The following LRP1B variants were observed in gnomAD, a reference collection of about 807,000 sequenced individuals.
LRP1B encodes low-density lipoprotein receptor-related protein 1B.
LRP1B carries 217 observed loss-of-function variants against 556.6 expected under a neutral mutation model. That is an observed-to-expected ratio of 0.39 (90% CI 0.35 to 0.44). The LOEUF (loss-of-function observed/expected upper bound fraction) is 0.44, where lower values mean the gene tolerates loss of function less well. Among genes scored for constraint, LRP1B ranks in the 20% least tolerant of loss-of-function variants. The pLI is 1.00. For synonymous variants in LRP1B, 2,047 were observed against 1,865.8 expected (o/e 1.10, Z -2.50); for missense variants, 5,053 against 5,620.8 (o/e 0.90, Z 3.23).
intron 12 of LRP1B, among the ~76,000 whole-genome samples, chr2:141,017,770 G>A (rs1197528364): frequency 6.6e-6 from 1 of 151,666 alleles, no homozygotes; most frequent in African/African-American, 2.4e-5. Context: ...TGAGGCAAGC[G>A]AATTGCTTGA....
intron 7 of LRP1B, among the ~76,000 whole-genome samples, chr2:141,071,517 G>A (rs1456269681): frequency 6.6e-6 from 1 of 152,140 alleles, no homozygotes; most frequent in Non-Finnish European, 1.5e-5. Context: ...AATTAGGCAG[G>A]AGAAGGAAAT....
At chr2:141,872,261 A>T (rs1698614416) in intron 1 of LRP1B, among the ~76,000 whole-genome samples, 1 of 152,032 alleles carries the variant, frequency 6.6e-6, no homozygotes, top group Admixed American at 6.6e-5. Context: ...AATTCAGACT[A>T]TCAGAACTGA....
rs1701213893 is a variant in LRP1B, at chr2:141,955,249, T to A, written c.83-144848A>T. Among the ~76,000 whole-genome samples, 4 of 152,242 alleles carry A rather than the reference T, an allele frequency of 2.6e-5. No homozygotes were observed. The South Asian group carries it at 8.3e-4, about 32-fold the overall frequency. On this transcript the variant is annotated intron_variant, in intron 1 of 90. Transcript: ENST00000389484. The stretch of plus-strand genomic sequence containing the variant: ...AAATGTAACCTCTCTCCTAAATTTG[T>A]CATTCATCATCTCCCTGAATTTCTT...
At chr2:141,726,041 A>G in intron 2 of LRP1B, among the ~76,000 whole-genome samples, 1 of 151,744 alleles carries the variant, frequency 6.6e-6, no homozygotes, top group South Asian at 2.1e-4. Flanking sequence ...TTTAAAATTT[A>G]TTATAAAAAA....
At chr2:142,075,479 T>C (rs372329028) in intron 1 of LRP1B, among the ~76,000 whole-genome samples, 1 of 152,110 alleles carries the variant, frequency 6.6e-6, no homozygotes, top group East Asian at 1.9e-4. Flanking sequence ...ATGTGATACC[T>C]GATGTGGCTC....
At position 140,651,526 on chromosome 2, in the gene LRP1B, T is replaced by TAA. The variant is rs558677783; in HGVS notation, c.6799+48722_6799+48723dup. Among the ~76,000 whole-genome samples, 557 of 107,002 alleles carry TAA rather than the reference T, an allele frequency of 5.2e-3. 5 individuals carry two copies. Among genetic ancestry groups the TAA allele is most frequent in the African/African-American group, 0.017 (461 of 26,844 alleles). The allele number at this position is 107,002 out of a possible 152,430, so 70.2% of individuals were successfully genotyped here. On this transcript the variant is annotated intron_variant, in intron 41 of 90. Coordinates refer to ENST00000389484, the MANE Select transcript of LRP1B (RefSeq NM_018557.3). ...ATTAAAAAAAAACACATACAAAAAT[T>TAA]AAAAAAAAAAAAAAAAAAAAGAATG...
Position 140,938,512 on chromosome 2 carries a change from G to C in LRP1B, c.3136+11723C>G, listed in dbSNP as rs1695297185. 3.3e-5 allele frequency among the ~76,000 whole-genome samples: 5 copies of C among 152,066 alleles called. No individual in the cohort carries two copies. The South Asian group carries it at 1.0e-3, about 31-fold the overall frequency. ...TTTAATTGAAATTGAGTATGCAATT[G>C]AGAGCAAGGTAGCAGTTACTGGGGG... is the stretch of plus-strand genomic sequence containing the variant. On this transcript the variant is annotated intron_variant, in intron 20 of 90. Transcript: ENST00000389484.
intron 2 of LRP1B, among the ~76,000 whole-genome samples, chr2:141,569,557 A>G (rs1448240007): frequency 6.6e-6 from 1 of 151,164 alleles, no homozygotes; most frequent in Non-Finnish European, 1.5e-5. Context: ...TAATGTCTCA[A>G]CTGTATTATT....
intron 2 of LRP1B, among the ~76,000 whole-genome samples, chr2:141,640,932 G>A (rs1192606680): frequency 1.3e-5 from 2 of 152,160 alleles, no homozygotes; most frequent in African/African-American, 4.8e-5. Context: ...TTGTGGTGGT[G>A]AGCAGCTGAT....
intron 2 of LRP1B, among the ~76,000 whole-genome samples, chr2:141,676,230 T>C (rs186656434): frequency 1.3e-3 from 203 of 152,212 alleles, no homozygotes; most frequent in African/African-American, 4.7e-3. Context: ...GCAGGAATCA[T>C]GTCTGATTCA....
intron 66 of LRP1B, among the ~76,000 whole-genome samples, chr2:140,430,750 C>A (rs1166391916): frequency 6.6e-6 from 1 of 152,182 alleles, no homozygotes; most frequent in East Asian, 1.9e-4. Flanking sequence ...AAGCCGCTAG[C>A]CCGTCTCTTA....
intron 2 of LRP1B, among the ~76,000 whole-genome samples, chr2:141,723,837 G>A (rs577321253): frequency 1.5e-4 from 23 of 151,682 alleles, no homozygotes; most frequent in African/African-American, 5.6e-4. Context: ...TAAAATATAA[G>A]TGAACACTAA....
intron 37 of LRP1B, among the ~76,000 whole-genome samples, chr2:140,705,000 A>G (rs532391359): frequency 6.6e-6 from 1 of 152,182 alleles, no homozygotes; most frequent in South Asian, 2.1e-4. Flanking sequence ...CCTAATTCTC[A>G]CAGCTATGGT....
intron 86 of LRP1B, among the ~76,000 whole-genome samples, chr2:140,252,464 T>A (rs2104909816): frequency 6.6e-6 from 1 of 152,110 alleles, no homozygotes. Context: ...GACGCACATG[T>A]TCAAATAATC....
chr2:141,397,125 A>AAAAAAAAAAAAAAAG (rs1690268546), intron 3 of LRP1B, among the ~76,000 whole-genome samples: 1 of 148,412 alleles, frequency 6.7e-6, no homozygotes, highest in African/African-American at 2.5e-5. Context: ...AAAAAAAAAA[A>AAAAAAAAAAAAAAAG]AAAAAAAAAA....
chr2:141,057,243 A>G (rs190081096), intron 9 of LRP1B, among the ~76,000 whole-genome samples: 29 of 151,930 alleles, frequency 1.9e-4, no homozygotes, highest in Non-Finnish European at 2.8e-4. Context: ...AAGTATAAGC[A>G]AAAGTTTTTT....
At chr2:140,283,338 G>A (rs191993306) in intron 84 of LRP1B, among the ~76,000 whole-genome samples, 1 of 151,778 alleles carries the variant, frequency 6.6e-6, no homozygotes, top group Admixed American at 6.6e-5. Flanking sequence ...AGTCAGAGCT[G>A]TGTTTAATAA....
intron 7 of LRP1B, among the ~76,000 whole-genome samples, chr2:141,098,336 T>C (rs1363191464): frequency 6.6e-6 from 1 of 152,232 alleles, no homozygotes; most frequent in Non-Finnish European, 1.5e-5. Flanking sequence ...TACCCTGCAA[T>C]CATCTTTGTA....
intron 86 of LRP1B, among the ~76,000 whole-genome samples, chr2:140,264,568 C>T (rs1301877383): frequency 2.0e-5 from 3 of 152,052 alleles, no homozygotes; most frequent in African/African-American, 4.8e-5. Context: ...GAAACTCAAT[C>T]ACCTCTTTAA....
Sources: gnomAD v4.1 joint callset for allele counts (sites outside exome capture counted in the v4.1 genomes callset) on GRCh38, gnomAD v4.1.1 for gene constraint, MANE v1.5 for transcripts, NCBI Gene and HGNC (gene_info 2026-07-23, HGNC 2026-07-21) for gene names.